Variants in PPM1H observed in about 807,000 individuals in gnomAD.
The protein encoded by PPM1H is protein phosphatase, Mg2+/Mn2+ dependent 1H.
A neutral mutation model predicts 54.9 loss-of-function variants in PPM1H; 27 were observed. That is an observed-to-expected ratio of 0.49 (90% CI 0.36 to 0.68). The LOEUF (loss-of-function observed/expected upper bound fraction) is 0.68, where lower values mean the gene tolerates loss of function less well. Ranked by LOEUF, PPM1H falls within the 30% of genes least tolerant of loss-of-function variation. PPM1H has a pLI of 0.00. For missense variants in PPM1H, 596 were observed against 667.8 expected (o/e 0.89, Z 1.19); for synonymous variants, 305 against 270.8 (o/e 1.13, Z -1.24).
At position 62,645,118 on chromosome 12, in the gene PPM1H, G is replaced by T. The variant is rs2075778096; in HGVS notation, c.*3371C>A. The T allele has an allele frequency of 6.6e-6, 1 of 152,144 alleles. No individual in the cohort carries two copies. The highest frequency in any genetic ancestry group is 6.5e-5 in the Admixed American group (1 of 15,280). The allele number at this position is 152,144 out of a possible 1,614,324, so 9.4% of individuals were successfully genotyped here. A position where few individuals can be genotyped will look rare whatever the true frequency, so the allele number is the denominator to read the frequency against. ...CGAATTTCAAAGACATGGGAGATTT[G>T]TCCCTAATGTTTTCATACTAGTGCT... is the stretch of plus-strand genomic sequence containing the variant. On this transcript the variant is annotated 3_prime_UTR_variant, in exon 10 of 10. Transcript: ENST00000228705.
intron 1 of PPM1H, among the ~76,000 whole-genome samples, chr12:62,905,622 A>C (rs1871281930): frequency 6.6e-6 from 1 of 152,190 alleles, no homozygotes; most frequent in South Asian, 2.1e-4. Flanking sequence ...GTTTAAGTAG[A>C]GAAGAATGAA....
chr12:62,801,918 G>A lies in PPM1H; in HGVS notation c.654C>T (p.Ala218=). 2 of 1,613,392 alleles carry A rather than the reference G, an allele frequency of 1.2e-6. No individual in the cohort carries two copies. The highest frequency in any genetic ancestry group is 1.7e-6 in the Non-Finnish European group (2 of 1,179,640). ...TGGGGGGCGTGCTGGGGGAGCCCGG[G>A]GCCCCCACCCCTCCGCGCAGGGAGG... The part of the protein sequence containing the change: ...RAASLRGGVG[A]PGSPSTPPTR... Residue 218 remains alanine (A), a synonymous_variant, in exon 3 of 10, where the codon GCC becomes GCT. Coordinates refer to ENST00000228705, the MANE Select transcript of PPM1H (RefSeq NM_020700.2).
At chr12:62,871,107 A>C (rs1869960878) in intron 1 of PPM1H, among the ~76,000 whole-genome samples, 1 of 152,232 alleles carries the variant, frequency 6.6e-6, no homozygotes, top group Non-Finnish European at 1.5e-5. Context: ...CTTGTACATT[A>C]ATGTTCATAA....
intron 1 of PPM1H, among the ~76,000 whole-genome samples, chr12:62,857,453 G>A (rs1869431403): frequency 6.6e-6 from 1 of 152,082 alleles, no homozygotes; most frequent in African/African-American, 2.4e-5. Context: ...ACTAATCCTA[G>A]TTTTTTAAAA....
intron 1 of PPM1H, among the ~76,000 whole-genome samples, chr12:62,842,085 G>A (rs560120623): frequency 6.6e-6 from 1 of 152,272 alleles, no homozygotes; most frequent in South Asian, 2.1e-4. Context: ...CCCCAGTGCT[G>A]CTCTGTTGGA....
intron 4 of PPM1H, among the ~76,000 whole-genome samples, chr12:62,772,838 A>G (rs532661719): frequency 6.6e-6 from 1 of 152,284 alleles, no homozygotes; most frequent in African/African-American, 2.4e-5. Flanking sequence ...GGAGGCGCCA[A>G]GAGTGGGAAG....
chr12:62,912,405 T>C (rs1351479042), intron 1 of PPM1H, among the ~76,000 whole-genome samples: 3 of 152,172 alleles, frequency 2.0e-5, no homozygotes, highest in Non-Finnish European at 2.9e-5. Flanking sequence ...CCGTGTCTCT[T>C]CTCTCAGGAA....
chr12:62,708,533 T>G (rs1368453140), intron 6 of PPM1H, among the ~76,000 whole-genome samples: 1 of 152,002 alleles, frequency 6.6e-6, no homozygotes, highest in Non-Finnish European at 1.5e-5. Flanking sequence ...AGAGTGTTGG[T>G]TGGACACAGG....
At chr12:62,687,703 G>T (rs779637058) in intron 8 of PPM1H, among the ~76,000 whole-genome samples, 1 of 151,772 alleles carries the variant, frequency 6.6e-6, no homozygotes, top group Admixed American at 6.6e-5. Flanking sequence ...CCAGTCCAAG[G>T]AATTATTTTA....
intron 6 of PPM1H, among the ~76,000 whole-genome samples, chr12:62,718,054 T>A (rs532891590): frequency 1.3e-5 from 2 of 152,324 alleles, no homozygotes; most frequent in East Asian, 3.9e-4. Context: ...AATGTGCACA[T>A]CAACTGTCTG....
chr12:62,714,941 G>A (rs1406866282), intron 6 of PPM1H, among the ~76,000 whole-genome samples: 1 of 152,146 alleles, frequency 6.6e-6, no homozygotes, highest in African/African-American at 2.4e-5. Flanking sequence ...TGGCGCCAGG[G>A]GTGAAGTTTC....
chr12:62,747,618 A>G (rs926723535), intron 4 of PPM1H, among the ~76,000 whole-genome samples: 2 of 152,216 alleles, frequency 1.3e-5, no homozygotes, highest in Non-Finnish European at 2.9e-5. Context: ...CACCTTCTTC[A>G]TGTAACCCTC....
chr12:62,743,088 T>A (rs1208175437), intron 4 of PPM1H, among the ~76,000 whole-genome samples: 1 of 152,156 alleles, frequency 6.6e-6, no homozygotes, highest in Admixed American at 6.6e-5. Flanking sequence ...CAGTGGCTCA[T>A]GTCTGTAATT....
At chr12:62,729,557 A>T (rs1292818055) in intron 5 of PPM1H, among the ~76,000 whole-genome samples, 1 of 152,232 alleles carries the variant, frequency 6.6e-6, no homozygotes, top group Non-Finnish European at 1.5e-5. Context: ...AATTGAACAC[A>T]CCTGTGTAGC....
chr12:62,842,582 T>C (rs1868793975), intron 1 of PPM1H, among the ~76,000 whole-genome samples: 2 of 152,122 alleles, frequency 1.3e-5, no homozygotes, highest in African/African-American at 4.8e-5. Context: ...ATAAAGAAAA[T>C]ATTGGACTAT....
chr12:62,738,401 G>C (rs1407104796), intron 4 of PPM1H, among the ~76,000 whole-genome samples: 2 of 152,040 alleles, frequency 1.3e-5, no homozygotes, highest in African/African-American at 4.8e-5. Flanking sequence ...CAAGGCTCAG[G>C]AAACTCATAC....
Position 62,801,941 on chromosome 12 carries a change from A to T in PPM1H, c.631T>A (p.Ser211Thr), listed in dbSNP as rs373892032. 9 of 1,612,534 alleles carry T rather than the reference A, an allele frequency of 5.6e-6. No individual in the cohort carries two copies. Among genetic ancestry groups the T allele is most frequent in the Non-Finnish European group, 7.6e-6 (9 of 1,179,222 alleles). The change falls in exon 3 of 10, where the codon TCC becomes ACC. Residue 211 changes from serine (S) to threonine (T), a missense_variant. Coordinates refer to ENST00000228705, the MANE Select transcript of PPM1H (RefSeq NM_020700.2). ...GGGGCCCCCACCCCTCCGCGCAGGGAGGCTGCCCGGGTCAGAGTCCGGCTG... is the reference window on the plus strand; with the variant it reads ...GGGGCCCCCACCCCTCCGCGCAGGGTGGCTGCCCGGGTCAGAGTCCGGCTG... Reference protein sequence around the residue: ...ANSRTLTRAASLRGGVGAPGS... With the variant: ...ANSRTLTRAATLRGGVGAPGS...
At chr12:62,869,183 T>A (rs1474458495) in intron 1 of PPM1H, among the ~76,000 whole-genome samples, 1 of 152,230 alleles carries the variant, frequency 6.6e-6, no homozygotes, top group Non-Finnish European at 1.5e-5. Context: ...AACAACCATC[T>A]TCCTGGAGTT....
At chr12:62,880,015 A>C (rs1431765936) in intron 1 of PPM1H, among the ~76,000 whole-genome samples, 3 of 152,154 alleles carry the variant, frequency 2.0e-5, no homozygotes, top group Admixed American at 6.5e-5. Context: ...ATATTATTGA[A>C]GATCTTTATT....
Sources: allele counts gnomAD v4.1 joint callset (sites outside exome capture counted in the v4.1 genomes callset), GRCh38; gene constraint gnomAD v4.1.1; transcripts MANE v1.5; gene names NCBI Gene and HGNC (gene_info 2026-07-23, HGNC 2026-07-21).